The following MGAT4C variants were observed in gnomAD, a reference collection of about 807,000 sequenced individuals.
The protein encoded by MGAT4C is MGAT4 family member C.
Under a neutral mutation model 40.1 loss-of-function variants are expected in MGAT4C, and 19 were observed. That is an observed-to-expected ratio of 0.47 (90% CI 0.33 to 0.70). The LOEUF (loss-of-function observed/expected upper bound fraction) is 0.70. MGAT4C is among the 30% of genes least tolerant of loss of function. The pLI, the probability that MGAT4C is intolerant of heterozygous loss-of-function variation, is 0.02. For missense variants in MGAT4C, 491 were observed against 563.2 expected (o/e 0.87, Z 1.30); for synonymous variants, 181 against 187.1 (o/e 0.97, Z 0.27).
intron 2 of MGAT4C, among the ~76,000 whole-genome samples, chr12:86,681,586 A>C (rs569376011): frequency 1.3e-5 from 2 of 152,150 alleles, no homozygotes; most frequent in Admixed American, 6.5e-5. Flanking sequence ...AGAAAAAAAA[A>C]GAATAGGAAA....
At chr12:86,168,725 C>T (rs1886459505) in intron 1 of MGAT4C, among the ~76,000 whole-genome samples, 1 of 152,138 alleles carries the variant, frequency 6.6e-6, no homozygotes, top group African/African-American at 2.4e-5. Flanking sequence ...GTGTTTTCCA[C>T]TGTTCCTGAT....
chr12:86,433,433 T>C (rs560149371), intron 3 of MGAT4C, among the ~76,000 whole-genome samples: 29 of 151,374 alleles, frequency 1.9e-4, no homozygotes, highest in African/African-American at 4.3e-4. Context: ...ACTGAGGGAA[T>C]TGATACTTTT....
chr12:86,500,417 G>A (rs1958320565), intron 2 of MGAT4C, among the ~76,000 whole-genome samples: 1 of 151,746 alleles, frequency 6.6e-6, no homozygotes, highest in Non-Finnish European at 1.5e-5. Flanking sequence ...CAGTATATAA[G>A]TAAATATCCT....
intron 3 of MGAT4C, among the ~76,000 whole-genome samples, chr12:86,386,464 T>G (rs923299370): frequency 6.6e-6 from 1 of 152,184 alleles, no homozygotes; most frequent in Admixed American, 6.5e-5. Flanking sequence ...AAGCTTCCCT[T>G]GTCTTATATG....
Position 86,191,054 on chromosome 12 carries a change from C to A in MGAT4C, c.-57+65185G>T, listed in dbSNP as rs572259923. Among the ~76,000 whole-genome samples the A allele has an allele frequency of 8.7e-4, 130 of 148,742 alleles. 1 individual carries two copies. Among genetic ancestry groups the A allele is most frequent in the African/African-American group, 3.1e-3 (126 of 40,600 alleles). On this transcript the variant is annotated intron_variant, in intron 1 of 4. Transcript: ENST00000611864. Reference sequence around the variant, plus strand: ...ACTTTCCAGGCACTACAATCAGGAACCAATTTCTTAAAATCACTCTCTCTC... The same window carrying A: ...ACTTTCCAGGCACTACAATCAGGAAACAATTTCTTAAAATCACTCTCTCTC...
At chr12:86,435,694 T>C (rs1957123948) in intron 2 of MGAT4C, among the ~76,000 whole-genome samples, 1 of 151,908 alleles carries the variant, frequency 6.6e-6, no homozygotes, top group South Asian at 2.1e-4. Context: ...GAACATTCTA[T>C]ATCTCTGCTT....
chr12:86,451,453 AT>A (rs1441264067), intron 2 of MGAT4C, among the ~76,000 whole-genome samples: 1 of 152,148 alleles, frequency 6.6e-6, no homozygotes, highest in African/African-American at 2.4e-5. Flanking sequence ...TACACAAAGC[AT>A]TATGCCCTTC....
rs533156971 is a variant in MGAT4C at position 86,455,079 on chromosome 12, T to C, written c.-228-19814A>G. ...CATTGATTGTGAATCCTTTTATTTATTATTTAATTTAGGATGCCCTTGTAT... is the reference window on the plus strand; with the variant it reads ...CATTGATTGTGAATCCTTTTATTTACTATTTAATTTAGGATGCCCTTGTAT... On this transcript the variant is annotated intron_variant, in intron 2 of 7. Transcript: ENST00000548651. 7.9e-5 allele frequency among the ~76,000 whole-genome samples: 12 copies of C among 152,282 alleles called. No individual in the cohort carries two copies. In the East Asian group the frequency reaches 2.3e-3, roughly 29 times the overall value.
intron 2 of MGAT4C, among the ~76,000 whole-genome samples, chr12:86,516,034 G>A (rs1958681631): frequency 6.6e-6 from 1 of 151,606 alleles, no homozygotes; most frequent in African/African-American, 2.4e-5. Context: ...GTGAGCCATC[G>A]CGCCCGGCCC....
At chr12:86,283,001 G>C (rs1056518184) in intron 4 of MGAT4C, among the ~76,000 whole-genome samples, 2 of 151,634 alleles carry the variant, frequency 1.3e-5, no homozygotes, top group Non-Finnish European at 2.9e-5. Flanking sequence ...TATCATCTTG[G>C]GCATGTGCAA....
chr12:86,268,976 A>T (rs1371158065), intron 4 of MGAT4C, among the ~76,000 whole-genome samples: 1 of 140,096 alleles, frequency 7.1e-6, no homozygotes, highest in African/African-American at 2.6e-5. Context: ...ACACATACAC[A>T]TCTCATTTGC....
intron 3 of MGAT4C, among the ~76,000 whole-genome samples, chr12:86,367,197 G>C (rs1162195980): frequency 6.6e-6 from 1 of 151,776 alleles, no homozygotes; most frequent in African/African-American, 2.4e-5. Context: ...AGCAGAAAGG[G>C]CAGATAGTAA....
intron 3 of MGAT4C, among the ~76,000 whole-genome samples, chr12:86,385,715 C>T (rs1956037101): frequency 6.6e-6 from 1 of 152,138 alleles, no homozygotes; most frequent in Non-Finnish European, 1.5e-5. Flanking sequence ...GCTCTTCCTG[C>T]CAGTATGCTG....
At chr12:86,625,068 G>C (rs2136494561) in intron 2 of MGAT4C, among the ~76,000 whole-genome samples, 1 of 151,906 alleles carries the variant, frequency 6.6e-6, no homozygotes, top group South Asian at 2.1e-4. Flanking sequence ...AATTATAAAG[G>C]GCTCTTCAAA....
chr12:86,821,051 T>G (rs919123235), intron 1 of MGAT4C, among the ~76,000 whole-genome samples: 1 of 150,930 alleles, frequency 6.6e-6, no homozygotes, highest in African/African-American at 2.4e-5. Context: ...TGTAATCTCT[T>G]TGGCAAAGCA....
At position 86,658,896 on chromosome 12, in the gene MGAT4C, G is replaced by A. The variant is rs149920001; in HGVS notation, c.-229+68313C>T. On this transcript the variant is annotated intron_variant, in intron 2 of 7. Transcript: ENST00000548651. ...GCTTAAGCATCTTCACATTGTTGCC[G>A]AGTTCACATCTTCCCTCTGCCAGGA... 1.1e-3 allele frequency among the ~76,000 whole-genome samples: 165 copies of A among 152,138 alleles called. 1 individual carries two copies. Among genetic ancestry groups the A allele is most frequent in the African/African-American group, 3.8e-3 (159 of 41,530 alleles).
At chr12:86,563,965 T>C (rs556469058) in intron 2 of MGAT4C, among the ~76,000 whole-genome samples, 1 of 152,172 alleles carries the variant, frequency 6.6e-6, no homozygotes, top group South Asian at 2.1e-4. Context: ...TGAGGACTAT[T>C]ATGGTGGGAA....
intron 2 of MGAT4C, among the ~76,000 whole-genome samples, chr12:86,467,735 C>A (rs1019313039): frequency 2.0e-5 from 3 of 152,062 alleles, no homozygotes; most frequent in Non-Finnish European, 4.4e-5. Flanking sequence ...CTGAAAACAG[C>A]TTTCTCTTCA....
At chr12:86,793,128 T>A (rs1435560705) in intron 1 of MGAT4C, among the ~76,000 whole-genome samples, 3 of 152,198 alleles carry the variant, frequency 2.0e-5, no homozygotes, top group African/African-American at 7.2e-5. Flanking sequence ...TTTAATCATT[T>A]ATATCTGACA....
Sources: gnomAD v4.1 joint callset for allele counts (sites outside exome capture counted in the v4.1 genomes callset) on GRCh38, gnomAD v4.1.1 for gene constraint, MANE v1.5 for transcripts, NCBI Gene and HGNC (gene_info 2026-07-23, HGNC 2026-07-21) for gene names.